NODAL: variants seen among roughly 807,000 people sequenced by gnomAD.
NODAL encodes nodal homolog.
In NODAL, 12 loss-of-function variants were observed where a neutral mutation model predicts 34.0. The ratio of observed to expected loss-of-function variants is 0.35; its 90% CI spans 0.23 to 0.57. The LOEUF (loss-of-function observed/expected upper bound fraction) is 0.57. Among genes scored for constraint, NODAL ranks in the 20% least tolerant of loss-of-function variants. The probability of loss-of-function intolerance (pLI) is 0.83; values close to 1 mark genes in which losing one functional copy is unlikely to be tolerated. For synonymous variants in NODAL, 162 were observed against 186.4 expected (o/e 0.87, Z 1.07); for missense variants, 390 against 444.2 (o/e 0.88, Z 1.10).
At chr10:70,439,612 T>C (rs1340313683) in intron 1 of NODAL, among the ~76,000 whole-genome samples, 2 of 152,136 alleles carry the variant, frequency 1.3e-5, no homozygotes, top group Non-Finnish European at 2.9e-5. Flanking sequence ...GACTCCAACA[T>C]CCCTTTCATG....
upstream of NODAL, among the ~76,000 whole-genome samples, chr10:70,445,711 C>T (rs533103665): frequency 3.3e-5 from 5 of 152,290 alleles, no homozygotes; most frequent in South Asian, 1.0e-3. Context: ...GATAATTTGC[C>T]CAAAGCCACA....
chr10:70,435,732 C>A lies in NODAL; in HGVS notation c.445G>T (p.Gly149Cys). 4 of 1,614,122 alleles carry A rather than the reference C, an allele frequency of 2.5e-6. No homozygotes were observed. The highest frequency in any genetic ancestry group is 3.4e-6 in the Non-Finnish European group (4 of 1,180,020). Residue 149 changes from glycine to cysteine, a missense_variant, in exon 2 of 3, where the codon GGC becomes TGC. Coordinates refer to ENST00000287139, the MANE Select transcript of NODAL (RefSeq NM_018055.5). ...VTLSQVTFSLGSMVLEVTRPL... is the reference protein window; with the variant it reads ...VTLSQVTFSLCSMVLEVTRPL... Reference sequence around the variant, plus strand: ...CTGGTCACCTCCAAAACCATGCTGCCCAAGGAAAAGGTGACCTGGGACAAA... The same window carrying A: ...CTGGTCACCTCCAAAACCATGCTGCACAAGGAAAAGGTGACCTGGGACAAA...
At position 70,436,050 on chromosome 10, in the gene NODAL, A is replaced by T. The variant is rs572870923; in HGVS notation, c.194-67T>A. 4.5e-6 allele frequency: 6 copies of T among 1,328,264 alleles called. No homozygotes were observed. The East Asian group carries it at 1.4e-4, about 31-fold the overall frequency. The allele number at this position is 1,328,264 out of a possible 1,614,324, so 82.3% of individuals were successfully genotyped here. ...GCCTCCCCCAGCCTCAGTCAGTGTC[A>T]CAACCACCATAGCTCTTGCTGGAGG... On this transcript the variant is annotated intron_variant, in intron 1 of 2. Transcript: ENST00000287139.
At chr10:70,443,754 G>A (rs1375249111), upstream of NODAL, among the ~76,000 whole-genome samples, 2 of 151,858 alleles carry the variant, frequency 1.3e-5, no homozygotes, top group Admixed American at 6.6e-5. Flanking sequence ...CAGGAGCATC[G>A]CTTGAACCCA....
chr10:70,443,095 A>AAACAAC (rs137898828), upstream of NODAL, among the ~76,000 whole-genome samples: 12 of 151,634 alleles, frequency 7.9e-5, no homozygotes, highest in East Asian at 1.9e-4. Flanking sequence ...TCAAAAAACA[A>AAACAAC]AACAACAACA....
chr10:70,435,887 A>T lies in NODAL; in HGVS notation c.290T>A (p.Leu97Gln). The change falls in exon 2 of 3, where the codon CTG (leucine) becomes CAG (glutamine). Residue 97 changes from leucine (L) to glutamine (Q), a missense_variant. Transcript: ENST00000287139. ...AGTGGGGAGGTCCACAGGGCTGGAC[A>T]GCTGCAGCCGGAGCTCAGCCCATGC... ...DLAWAELRLQ[L>Q]SSPVDLPTEG... The T allele has an allele frequency of 6.2e-7, 1 of 1,614,168 alleles. No individual in the cohort carries two copies. Among genetic ancestry groups the T allele is most frequent in the Non-Finnish European group, 8.5e-7 (1 of 1,180,026 alleles).
At chr10:70,441,420 G>C in intron 1 of NODAL, 55 bp downstream of exon 1, 1 of 1,525,524 alleles carries the variant, frequency 6.6e-7, no homozygotes, top group Non-Finnish European at 8.8e-7. Flanking sequence ...CTGGCTGGAC[G>C]CGGCGGAGGC....
chr10:70,447,643 A>G (rs1845502426), intron 1 of NODAL, among the ~76,000 whole-genome samples: 1 of 145,978 alleles, frequency 6.9e-6, no homozygotes, highest in Non-Finnish European at 1.5e-5. Flanking sequence ...CCTGGGTGAC[A>G]GAGTGAGACC....
upstream of NODAL, among the ~76,000 whole-genome samples, chr10:70,445,262 T>G (rs1018555500): frequency 5.3e-5 from 8 of 152,088 alleles, no homozygotes; most frequent in African/African-American, 1.7e-4. Flanking sequence ...AATTAATTAA[T>G]TAATTAATTT....
In NODAL at chr10:70,435,555, C is replaced by T. The variant is rs1363383604; in HGVS notation, c.622G>A (p.Gly208Ser). 1.9e-6 allele frequency: 3 copies of T among 1,613,984 alleles called. No individual in the cohort carries two copies. The highest frequency in any genetic ancestry group is 4.5e-5 in the East Asian group (2 of 44,896). The change falls in exon 2 of 3, where the codon GGT becomes AGT. Residue 208 changes from glycine (G) to serine (S), a missense_variant. Physicochemically the swap from Gly to Ser is moderately conservative, Grantham distance 56. Coordinates refer to ENST00000287139, the MANE Select transcript of NODAL (RefSeq NM_018055.5). ...SNLSQEQRQL[G>S]GSTLLWEAES... The stretch of plus-strand genomic sequence containing the variant: ...GCTTCCCACAGCAAGGTGGACCCAC[C>T]CAGCTGCCTCTGCTCCTGCGAGAGG...
chr10:70,447,001 C>A (rs942253883), intron 1 of NODAL, among the ~76,000 whole-genome samples: 1 of 152,026 alleles, frequency 6.6e-6, no homozygotes, highest in Non-Finnish European at 1.5e-5. Context: ...TCTATCAAGA[C>A]ACAGTTTAAA....
chr10:70,439,724 C>T (rs1326589819), intron 1 of NODAL, among the ~76,000 whole-genome samples: 2 of 152,238 alleles, frequency 1.3e-5, no homozygotes, highest in African/African-American at 4.8e-5. Flanking sequence ...CTTCCCACTG[C>T]TCTTAGAAAA....
intron 2 of NODAL, among the ~76,000 whole-genome samples, chr10:70,433,449 C>CT (rs2132213026): frequency 6.6e-6 from 1 of 151,282 alleles, no homozygotes; most frequent in Non-Finnish European, 1.5e-5. Context: ...TGGTCTTGCT[C>CT]TGTTGCCCAG....
chr10:70,432,996 A>G lies in NODAL; in HGVS notation c.984T>C (p.Asn328=). ...TKPLSMLYVD[N]GRVLLDHHKD... ...TATGGTGATCTAGGAGCACTCTGCC[A>G]TTATCCACATACAGCATGCTCAGCG... Residue 328 remains asparagine, a synonymous_variant, in exon 3 of 3, where the codon AAT becomes AAC. Transcript: ENST00000287139. The G allele has an allele frequency of 1.2e-6, 2 of 1,613,942 alleles. No homozygotes were observed. Among genetic ancestry groups the G allele is most frequent in the Non-Finnish European group, 1.7e-6 (2 of 1,180,022 alleles).
chr10:70,441,721 C>T, upstream of NODAL: 1 of 1,521,224 alleles, frequency 6.6e-7, no homozygotes, highest in African/African-American at 1.4e-5. Context: ...TCCTGGGCCT[C>T]AGCAGCCGCC....
At chr10:70,447,826 C>T (rs1845505046) in intron 1 of NODAL, 1 of 467,736 alleles carries the variant, frequency 2.1e-6, no homozygotes, top group Non-Finnish European at 4.4e-6. Flanking sequence ...GGCCCCAGCC[C>T]CTGGTTTATA....
At chr10:70,436,092 A>G (rs990228814) in intron 1 of NODAL, 109 bp from the exon 2 acceptor site, 19 of 887,382 alleles carry the variant, frequency 2.1e-5, no homozygotes, top group Admixed American at 5.9e-5. Context: ...CTTATATAGA[A>G]TTACCTTCGA....
At chr10:70,445,800 G>C (rs1297348730), upstream of NODAL, among the ~76,000 whole-genome samples, 2 of 152,174 alleles carry the variant, frequency 1.3e-5, no homozygotes, top group Non-Finnish European at 2.9e-5. Context: ...CATAGAAGAG[G>C]AGTGAAAATG....
intron 1 of NODAL, among the ~76,000 whole-genome samples, chr10:70,441,051 T>G (rs148251882): frequency 1.4e-3 from 208 of 152,378 alleles, no homozygotes; most frequent in African/African-American, 4.7e-3. Flanking sequence ...CATCTCGCGC[T>G]TTCCACAGTC....
Sources: allele counts gnomAD v4.1 joint callset (sites outside exome capture counted in the v4.1 genomes callset), GRCh38; gene constraint gnomAD v4.1.1; transcripts MANE v1.5; gene names NCBI Gene and HGNC (gene_info 2026-07-23, HGNC 2026-07-21).